Variants in GJB2 observed in about 807,000 individuals in gnomAD.
GJB2 encodes gap junction beta-2 protein.
GJB2 carries 30 observed loss-of-function variants against 16.0 expected under a neutral mutation model. The observed-to-expected ratio is 1.88, with a 90% CI of 1.41 to 2.55. The LOEUF (loss-of-function observed/expected upper bound fraction) is 2.55. Among genes scored for constraint, GJB2 ranks in the 30% most tolerant of loss-of-function variants. The pLI is 0.00. For missense variants in GJB2, 284 were observed against 289.7 expected, an observed-to-expected ratio of 0.98 and a Z score of 0.14; for synonymous variants, 123 against 119.1, an observed-to-expected ratio of 1.03 and a Z score of -0.21.
rs1593350227 is a variant in GJB2, at chr13:20,187,894, C to T, written c.*1007G>A. ...GACAGAAACTTCTCCCTCCCCTGCC[C>T]CATTTTGTCCTCCCCATTAAATGGT... On this transcript the variant is annotated 3_prime_UTR_variant, in exon 2 of 2. Coordinates refer to ENST00000382848, the MANE Select transcript of GJB2 (RefSeq NM_004004.6). The T allele has an allele frequency of 2.0e-5, 3 of 152,196 alleles. No individual in the cohort carries two copies. Among genetic ancestry groups the T allele is most frequent in the Non-Finnish European group, 4.4e-5 (3 of 68,036 alleles). 9.4% of individuals were successfully genotyped at this position (152,196 alleles called of 1,614,324 possible). A position where few individuals can be genotyped will look rare whatever the true frequency, so the allele number is the denominator to read the frequency against.
intron 1 of GJB2, among the ~76,000 whole-genome samples, chr13:20,191,005 C>T (rs1959073306): frequency 6.6e-6 from 1 of 152,176 alleles, no homozygotes; most frequent in Non-Finnish European, 1.5e-5. Flanking sequence ...ACGAAAGTTA[C>T]ATCAGATTGA....
intron 1 of GJB2, chr13:20,189,876 C>T (rs1300065896): frequency 4.2e-6 from 2 of 474,398 alleles, no homozygotes; most frequent in Admixed American, 6.7e-5. Context: ...TTAAACACAT[C>T]ATAAAAATTT....
Position 20,187,485 on chromosome 13 carries a change from T to C in GJB2, c.*1416A>G, listed in dbSNP as rs1462594942. ...AGATTTTAAATTATTATAGAGATTATATTTTAATGTTTTAAATGTATTTGA... is the reference window on the plus strand; with the variant it reads ...AGATTTTAAATTATTATAGAGATTACATTTTAATGTTTTAAATGTATTTGA... On this transcript the variant is annotated 3_prime_UTR_variant, in exon 2 of 2. Transcript: ENST00000382848. 6.6e-6 allele frequency: 1 copy of C among 152,258 alleles called. No homozygotes were observed. Among genetic ancestry groups the C allele is most frequent in the East Asian group, 1.9e-4 (1 of 5,204 alleles). The allele number at this position is 152,258 out of a possible 1,614,324, so 9.4% of individuals were successfully genotyped here.
intron 1 of GJB2, among the ~76,000 whole-genome samples, chr13:20,191,406 C>T (rs144358478): frequency 0.014 from 2,133 of 152,272 alleles, 24 homozygotes; most frequent in Non-Finnish European, 0.022. Context: ...GGTCATACAC[C>T]CTTCTACAGA....
At position 20,187,606 on chromosome 13, in the gene GJB2, ATACT is replaced by A. The variant is rs886050025; in HGVS notation, c.*1291_*1294del. 1 of 152,196 alleles carries A rather than the reference ATACT, an allele frequency of 6.6e-6. No homozygotes were observed. The highest frequency in any genetic ancestry group is 1.5e-5 in the Non-Finnish European group (1 of 68,044). 9.4% of individuals were successfully genotyped at this position (152,196 alleles called of 1,614,324 possible). The stretch of plus-strand genomic sequence containing the variant: ...CAATGCTATTCTTGACAACAGGAAA[ATACT>A]TACCCTCACTGAAATATGTGGAGTA... On this transcript the variant is annotated 3_prime_UTR_variant, in exon 2 of 2. Transcript: ENST00000382848.
In GJB2 at chr13:20,188,897, T is replaced by G; in HGVS notation, c.*4A>C. 6.2e-7 allele frequency: 1 copy of G among 1,609,670 alleles called. No homozygotes were observed. The highest frequency in any genetic ancestry group is 2.2e-5 in the East Asian group (1 of 44,870). On this transcript the variant is annotated 3_prime_UTR_variant, in exon 2 of 2. Coordinates refer to ENST00000382848, the MANE Select transcript of GJB2 (RefSeq NM_004004.6). ...ATTTCTTAATCTAACAACTGGGCAA[T>G]GCGTTAAACTGGCTTTTTTGACTTC... is the stretch of plus-strand genomic sequence containing the variant.
At position 20,187,656 on chromosome 13, in the gene GJB2, C is replaced by T. The variant is rs1959047461; in HGVS notation, c.*1245G>A. 6.6e-6 allele frequency: 1 copy of T among 152,178 alleles called. No individual in the cohort carries two copies. The highest frequency in any genetic ancestry group is 2.4e-5 in the African/African-American group (1 of 41,444). 9.4% of individuals were successfully genotyped at this position (152,178 alleles called of 1,614,324 possible). On this transcript the variant is annotated 3_prime_UTR_variant, in exon 2 of 2. Coordinates refer to ENST00000382848, the MANE Select transcript of GJB2 (RefSeq NM_004004.6). Reference sequence around the variant, plus strand: ...GAGTACCATTTTTTGGAAACCATGTCAAGCATAATGGCAATATTCAGGTTC... The same window carrying T: ...GAGTACCATTTTTTGGAAACCATGTTAAGCATAATGGCAATATTCAGGTTC...
intron 1 of GJB2, among the ~76,000 whole-genome samples, chr13:20,190,187 C>G (rs79998404): frequency 6.6e-6 from 1 of 152,226 alleles, no homozygotes; most frequent in South Asian, 2.1e-4. Context: ...TTTTCACAGA[C>G]GTGGCATGTA....
rs778602324 is a variant in GJB2, at chr13:20,189,621, A to T, written c.-22-18T>A. 100 of 1,562,566 alleles carry T rather than the reference A, an allele frequency of 6.4e-5. 2 individuals carry two copies. Among genetic ancestry groups the T allele is most frequent in the Middle Eastern group, 1.9e-4 (1 of 5,252 alleles). On this transcript the variant is annotated intron_variant, in intron 1 of 1. Transcript: ENST00000382848. Reference sequence around the variant, plus strand: ...GGTTTGCTCTGGAAAAGACGAATGCACACAACACAGGAATCACTAGCTAGG... The same window carrying T: ...GGTTTGCTCTGGAAAAGACGAATGCTCACAACACAGGAATCACTAGCTAGG...
chr13:20,189,408 T>C lies in GJB2; in HGVS notation c.174A>G (p.Pro58=), dbSNP rs778922005. 6 of 1,612,874 alleles carry C rather than the reference T, an allele frequency of 3.7e-6. No homozygotes were observed. The African/African-American group carries it at 6.7e-5, about 18-fold the overall frequency. ...QADFVCNTLQ[P]GCKNVCYDHY... The stretch of plus-strand genomic sequence containing the variant: ...GATCGTAGCACACGTTCTTGCAGCC[T>C]GGCTGCAGGGTGTTGCAGACAAAGT... The change falls in exon 2 of 2, where the codon CCA becomes CCG. Residue 58 remains proline, a synonymous_variant. Coordinates refer to ENST00000382848, the MANE Select transcript of GJB2 (RefSeq NM_004004.6).
intron 1 of GJB2, among the ~76,000 whole-genome samples, chr13:20,191,499 C>A (rs753565585): frequency 1.3e-5 from 2 of 152,166 alleles, no homozygotes; most frequent in Non-Finnish European, 2.9e-5. Flanking sequence ...GTTGAAGCTA[C>A]CTGTTTTAAA....
rs1295217506 is a variant in GJB2, at chr13:20,188,864, T to C, written c.*37A>G. On this transcript the variant is annotated 3_prime_UTR_variant, in exon 2 of 2. Coordinates refer to ENST00000382848, the MANE Select transcript of GJB2 (RefSeq NM_004004.6). ...AGCACGGGTTGCCTCATCCCTCTCA[T>C]GCTGTCTATTTCTTAATCTAACAAC... is the stretch of plus-strand genomic sequence containing the variant. 1 of 1,528,496 alleles carries C rather than the reference T, an allele frequency of 6.5e-7. No individual in the cohort carries two copies. The highest frequency in any genetic ancestry group is 1.4e-5 in the African/African-American group (1 of 73,436). 94.7% of individuals were successfully genotyped at this position (1,528,496 alleles called of 1,614,324 possible).
chr13:20,189,685 CA>C, intron 1 of GJB2, 82 bp from the exon 2 acceptor site: 2 of 1,080,034 alleles, frequency 1.9e-6, no homozygotes, highest in Non-Finnish European at 2.9e-6. Context: ...GGTAAGCAAG[CA>C]TGCTTAAATC....
chr13:20,189,681 C>T, intron 1 of GJB2, 78 bp from the exon 2 acceptor site: 1 of 1,111,046 alleles, frequency 9.0e-7, no homozygotes. Context: ...TCTGGGTAAG[C>T]AAGCATGCTT....
In GJB2 at chr13:20,188,719, G is replaced by A. The variant is rs769416676; in HGVS notation, c.*182C>T. 2 of 619,904 alleles carry A rather than the reference G, an allele frequency of 3.2e-6. No homozygotes were observed. Among genetic ancestry groups the A allele is most frequent in the South Asian group, 1.9e-5 (1 of 51,632 alleles). The allele number at this position is 619,904 out of a possible 1,614,324, so 38.4% of individuals were successfully genotyped here. On this transcript the variant is annotated 3_prime_UTR_variant, in exon 2 of 2. Coordinates refer to ENST00000382848, the MANE Select transcript of GJB2 (RefSeq NM_004004.6). ...AGGCCTTTGTTTTGAGGCTTTAGGG[G>A]AGCAGAGCTCCATTGTGGCATCTGG...
intron 1 of GJB2, among the ~76,000 whole-genome samples, chr13:20,190,619 A>C (rs1388350990): frequency 6.6e-6 from 1 of 152,192 alleles, no homozygotes; most frequent in Admixed American, 6.5e-5. Context: ...GGATGTGGAG[A>C]GGCCAGTGGA....
chr13:20,189,441 C>T lies in GJB2; in HGVS notation c.141G>A (p.Glu47=), dbSNP rs370164829. The change falls in exon 2 of 2, where the codon GAG becomes GAA. Residue 47 remains glutamate (E), a synonymous_variant. Transcript: ENST00000382848. Reference sequence around the variant, plus strand: ...GGGTGTTGCAGACAAAGTCGGCCTGCTCATCTCCCCACACCTCCTTTGCAG... The same window carrying T: ...GGGTGTTGCAGACAAAGTCGGCCTGTTCATCTCCCCACACCTCCTTTGCAG... ...VVAAKEVWGD[E]QADFVCNTLQ... The T allele has an allele frequency of 6.2e-7, 1 of 1,612,374 alleles. No homozygotes were observed. Among genetic ancestry groups the T allele is most frequent in the Non-Finnish European group, 8.5e-7 (1 of 1,178,544 alleles).
intron 1 of GJB2, among the ~76,000 whole-genome samples, 156 bp downstream of exon 1, chr13:20,192,627 G>T (rs970853655): frequency 1.3e-5 from 2 of 152,054 alleles, no homozygotes; most frequent in African/African-American, 4.8e-5. Flanking sequence ...AGAAACGCCC[G>T]CTCCAGAAGG....
In GJB2 at chr13:20,188,896, A is replaced by G; in HGVS notation, c.*5T>C. The G allele has an allele frequency of 3.7e-6, 6 of 1,609,310 alleles. No homozygotes were observed. Among genetic ancestry groups the G allele is most frequent in the Non-Finnish European group, 5.1e-6 (6 of 1,176,520 alleles). ...TATTTCTTAATCTAACAACTGGGCA[A>G]TGCGTTAAACTGGCTTTTTTGACTT... On this transcript the variant is annotated 3_prime_UTR_variant, in exon 2 of 2. Coordinates refer to ENST00000382848, the MANE Select transcript of GJB2 (RefSeq NM_004004.6).
Sources: gnomAD v4.1 joint callset for allele counts (sites outside exome capture counted in the v4.1 genomes callset) on GRCh38, gnomAD v4.1.1 for gene constraint, MANE v1.5 for transcripts, NCBI Gene and HGNC (gene_info 2026-07-23, HGNC 2026-07-21) for gene names.